The following SEMA3C variants were observed in gnomAD, a reference collection of about 807,000 sequenced individuals.
SEMA3C encodes the protein semaphorin-3C.
SEMA3C carries 47 observed loss-of-function variants against 89.4 expected under a neutral mutation model. The ratio of observed to expected loss-of-function variants is 0.53; its 90% CI spans 0.42 to 0.67. The LOEUF is 0.67. Ranked by LOEUF, SEMA3C falls within the 30% of genes least tolerant of loss-of-function variation. The pLI is 0.00. For synonymous variants in SEMA3C, 310 were observed against 320.2 expected, an observed-to-expected ratio of 0.97 and a Z score of 0.34; for missense variants, 839 against 929.1, an observed-to-expected ratio of 0.90 and a Z score of 1.26.
intron 2 of SEMA3C, among the ~76,000 whole-genome samples, chr7:80,874,447 G>GTTATTTATTTATTTATTTAT (rs56316322): frequency 8.6e-4 from 126 of 146,616 alleles, no homozygotes; most frequent in Admixed American, 2.9e-3. Flanking sequence ...ACCATAGCAA[G>GTTATTTATTTATTTATTTAT]TTATTTATTT....
chr7:80,905,286 G>A (rs1791983342), intron 2 of SEMA3C, among the ~76,000 whole-genome samples: 1 of 35,218 alleles, frequency 2.8e-5, no homozygotes, highest in Non-Finnish European at 6.5e-5. Flanking sequence ...GGGAGAGAGG[G>A]GGAGAGAGGG....
At chr7:80,745,673 T>C (rs1357069074) in intron 17 of SEMA3C, among the ~76,000 whole-genome samples, 1 of 152,140 alleles carries the variant, frequency 6.6e-6, no homozygotes, top group East Asian at 1.9e-4. Context: ...AACTCATAGA[T>C]ACTTTAAAAT....
intron 6 of SEMA3C, among the ~76,000 whole-genome samples, chr7:80,810,219 T>C (rs1035738342): frequency 2.0e-5 from 3 of 152,096 alleles, no homozygotes; most frequent in Non-Finnish European, 4.4e-5. Context: ...CAATTATTAT[T>C]TGTCAACTAA....
At chr7:80,806,981 G>A (rs867894335) in intron 6 of SEMA3C, among the ~76,000 whole-genome samples, 5 of 152,066 alleles carry the variant, frequency 3.3e-5, no homozygotes, top group East Asian at 1.9e-4. Context: ...CTGGTGTGGC[G>A]GGCATTTTGT....
chr7:80,912,471 T>C (rs1043320887), intron 2 of SEMA3C, among the ~76,000 whole-genome samples: 18 of 152,222 alleles, frequency 1.2e-4, no homozygotes, highest in African/African-American at 4.3e-4. Context: ...GTTACTCTAT[T>C]CTAGACTCAT....
At chr7:80,900,679 G>C (rs1035163446) in intron 2 of SEMA3C, among the ~76,000 whole-genome samples, 10 of 152,152 alleles carry the variant, frequency 6.6e-5, no homozygotes, top group Non-Finnish European at 1.5e-5. Flanking sequence ...GTGCAGAAGG[G>C]AATCAATTGT....
chr7:80,877,044 A>T lies in SEMA3C; in HGVS notation c.103+39635T>A, dbSNP rs535353427. On this transcript the variant is annotated intron_variant, in intron 2 of 17. Coordinates refer to ENST00000265361, the MANE Select transcript of SEMA3C (RefSeq NM_006379.5). ...AGCTGCTGAAGACAGGCAGGGCGCCATCTGTCATGTTAGATGGTCACTAGT... is the reference window on the plus strand; with the variant it reads ...AGCTGCTGAAGACAGGCAGGGCGCCTTCTGTCATGTTAGATGGTCACTAGT... Among the ~76,000 whole-genome samples the T allele has an allele frequency of 4.6e-5, 7 of 152,338 alleles. No homozygotes were observed. The South Asian group carries it at 1.5e-3, about 32-fold the overall frequency.
intron 12 of SEMA3C, among the ~76,000 whole-genome samples, chr7:80,781,381 C>G (rs765745674): frequency 6.6e-6 from 1 of 152,214 alleles, no homozygotes; most frequent in African/African-American, 2.4e-5. Context: ...GCAACACATA[C>G]GACTCTAATA....
chr7:80,753,887 G>A (rs774926045), intron 15 of SEMA3C, among the ~76,000 whole-genome samples: 5 of 152,076 alleles, frequency 3.3e-5, no homozygotes, highest in African/African-American at 4.8e-5. Flanking sequence ...AGACTTGAGA[G>A]TGAAAATGAA....
rs142228735 is a variant in SEMA3C, at chr7:80,772,449, G to T, written c.1355-7206C>A. ...AGCACAATTTCTCACGTTTAGCAGG[G>T]TTTCTCACATGGTAAGCTTTGAATT... On this transcript the variant is annotated intron_variant, in intron 12 of 17. Transcript: ENST00000265361. 2.8e-4 allele frequency among the ~76,000 whole-genome samples: 42 copies of T among 152,252 alleles called. 1 individual carries two copies. In the East Asian group the frequency reaches 7.9e-3, roughly 29 times the overall value.
chr7:80,920,277 A>C (rs1415783557), upstream of SEMA3C, among the ~76,000 whole-genome samples: 1 of 152,198 alleles, frequency 6.6e-6, no homozygotes, highest in African/African-American at 2.4e-5. Flanking sequence ...ATCCCCATAA[A>C]ACAAGCAGGC....
chr7:80,857,778 TG>T (rs761634966), intron 2 of SEMA3C, among the ~76,000 whole-genome samples: 5 of 152,164 alleles, frequency 3.3e-5, no homozygotes, highest in Non-Finnish European at 5.9e-5. Flanking sequence ...ATGAAGAATT[TG>T]TAAAAGAGCT....
chr7:80,827,335 C>T, intron 4 of SEMA3C, 90 bp downstream of exon 4: 1 of 1,315,512 alleles, frequency 7.6e-7, no homozygotes, highest in Non-Finnish European at 1.0e-6. Context: ...CCATCCTTGT[C>T]TCATTTTTGG....
At chr7:80,865,427 T>TA (rs1383456854) in intron 2 of SEMA3C, among the ~76,000 whole-genome samples, 6 of 152,170 alleles carry the variant, frequency 3.9e-5, no homozygotes, top group Non-Finnish European at 8.8e-5. Flanking sequence ...ATTGTATCCT[T>TA]ATGTCTCTGT....
chr7:80,892,085 T>A (rs2116154268), intron 2 of SEMA3C, among the ~76,000 whole-genome samples: 1 of 152,210 alleles, frequency 6.6e-6, no homozygotes, highest in Admixed American at 6.5e-5. Flanking sequence ...ATAGGCTAGT[T>A]CATTCAGAGA....
intron 2 of SEMA3C, among the ~76,000 whole-genome samples, chr7:80,862,537 A>G (rs1474954438): frequency 6.6e-6 from 1 of 152,184 alleles, no homozygotes; most frequent in African/African-American, 2.4e-5. Context: ...TACAAATTCA[A>G]TGCAATCCCC....
intron 11 of SEMA3C, among the ~76,000 whole-genome samples, chr7:80,793,100 T>A (rs1170379481): frequency 6.6e-6 from 1 of 152,236 alleles, no homozygotes; most frequent in East Asian, 1.9e-4. Context: ...TTGGTTAAAC[T>A]TCTCCTTTAA....
intron 15 of SEMA3C, among the ~76,000 whole-genome samples, chr7:80,753,005 A>G (rs1326738185): frequency 2.0e-5 from 3 of 152,352 alleles, no homozygotes; most frequent in African/African-American, 7.2e-5. Context: ...AAGAAAAATT[A>G]ATCACAAAGT....
chr7:80,876,928 C>T (rs564061397), intron 2 of SEMA3C, among the ~76,000 whole-genome samples: 5 of 152,178 alleles, frequency 3.3e-5, no homozygotes, highest in East Asian at 1.9e-4. Context: ...CAGCAGTTCT[C>T]GGGGAATTGC....
Sources: gnomAD v4.1 joint callset for allele counts (sites outside exome capture counted in the v4.1 genomes callset) on GRCh38, gnomAD v4.1.1 for gene constraint, MANE v1.5 for transcripts, NCBI Gene and HGNC (gene_info 2026-07-23, HGNC 2026-07-21) for gene names.